XPO4: variants seen among roughly 807,000 people sequenced by gnomAD.
XPO4 encodes exportin-4.
In XPO4, 39 loss-of-function variants were observed where a neutral mutation model predicts 143.0. The observed-to-expected ratio is 0.27, with a 90% CI of 0.21 to 0.36. The LOEUF (loss-of-function observed/expected upper bound fraction) is 0.36. XPO4 is among the 10% of genes least tolerant of loss of function. The pLI, the probability that XPO4 is intolerant of heterozygous loss-of-function variation, is 1.00. For synonymous variants in XPO4, 439 were observed against 474.0 expected (o/e 0.93, Z 0.96); for missense variants, 907 against 1,348.0 (o/e 0.67, Z 5.12).
chr13:20,783,175 T>G lies in XPO4; in HGVS notation c.*547A>C, dbSNP rs1174157738. ...AATGTCTCTTTCATTGATTCAAAAC[T>G]TTTGGGGTGACGAAAGGGAGAAGCT... On this transcript the variant is annotated 3_prime_UTR_variant, in exon 23 of 23. Transcript: ENST00000255305. The G allele has an allele frequency of 6.5e-6, 1 of 152,842 alleles. No individual in the cohort carries two copies. The highest frequency in any genetic ancestry group is 2.4e-5 in the African/African-American group (1 of 41,428). 9.5% of individuals were successfully genotyped at this position (152,842 alleles called of 1,614,324 possible).
intron 4 of XPO4, chr13:20,852,958 G>C (rs972235559): frequency 1.0e-6 from 1 of 985,234 alleles, no homozygotes; most frequent in Non-Finnish European, 1.2e-6. Context: ...GCGGTCAATT[G>C]ATTTATCTAA....
At chr13:20,870,296 T>C (rs955531680) in intron 1 of XPO4, among the ~76,000 whole-genome samples, 18 of 149,756 alleles carry the variant, frequency 1.2e-4, no homozygotes, top group African/African-American at 4.4e-4. Context: ...CCAGGCATGG[T>C]GGTGCACACC....
chr13:20,894,888 A>G (rs1057230889), intron 1 of XPO4, among the ~76,000 whole-genome samples: 13 of 150,762 alleles, frequency 8.6e-5, no homozygotes, highest in Non-Finnish European at 8.9e-5. Flanking sequence ...AAACACATGC[A>G]ACATTCAGGC....
At chr13:20,808,988 G>A (rs375601086) in intron 11 of XPO4, 95 bp downstream of exon 11, 2 of 1,343,690 alleles carry the variant, frequency 1.5e-6, no homozygotes, top group Non-Finnish European at 2.1e-6. Context: ...GACACGGGGT[G>A]GGGGTGTTTA....
intron 3 of XPO4, chr13:20,856,806 C>A (rs2060148562): frequency 1.0e-6 from 1 of 979,486 alleles, no homozygotes; most frequent in South Asian, 4.7e-5. Context: ...CTTTTGACTT[C>A]CAGGCCTCTG....
At chr13:20,889,686 T>C (rs895441916) in intron 1 of XPO4, among the ~76,000 whole-genome samples, 1 of 152,212 alleles carries the variant, frequency 6.6e-6, no homozygotes, top group African/African-American at 2.4e-5. Context: ...TCATTGACAG[T>C]CATTACACGA....
chr13:20,791,875 C>T (rs766543535), intron 18 of XPO4, among the ~76,000 whole-genome samples: 18 of 152,166 alleles, frequency 1.2e-4, no homozygotes, highest in Non-Finnish European at 2.4e-4. Flanking sequence ...TAACGCTGAA[C>T]TTCTCCCCTG....
At chr13:20,884,356 A>C (rs1422025660) in intron 1 of XPO4, among the ~76,000 whole-genome samples, 1 of 152,162 alleles carries the variant, frequency 6.6e-6, no homozygotes, top group Non-Finnish European at 1.5e-5. Context: ...CAGCCTGGGC[A>C]AGAGGGTGAG....
At chr13:20,786,895 C>A in intron 22 of XPO4, 70 bp downstream of exon 22, 2 of 1,294,030 alleles carry the variant, frequency 1.5e-6, no homozygotes, top group Non-Finnish European at 2.1e-6. Context: ...TAATGACCCA[C>A]CATCTATCTC....
intron 3 of XPO4, among the ~76,000 whole-genome samples, chr13:20,858,162 T>TA (rs574872285): frequency 9.9e-5 from 15 of 150,770 alleles, no homozygotes; most frequent in Admixed American, 2.0e-4. Context: ...TCACCTAGAT[T>TA]AAAAAAAAAC....
Position 20,842,933 on chromosome 13 carries a change from G to A in XPO4, c.689C>T (p.Ala230Val), listed in dbSNP as rs1171765625. ...AAAGTTCCAGCTCAAGACTTGATTG[G>A]CGAGTGCAAGGTAACGCTGAAATAC... is the stretch of plus-strand genomic sequence containing the variant. ...SSVFQRYLALANQVLSWNFLP... is the reference protein window; with the variant it reads ...SSVFQRYLALVNQVLSWNFLP... Residue 230 changes from alanine (A) to valine (V), a missense_variant, in exon 6 of 23, where the codon GCC becomes GTC. Physicochemically the swap from Ala to Val is moderately conservative, Grantham distance 64. Transcript: ENST00000255305. The A allele has an allele frequency of 1.6e-5, 25 of 1,612,162 alleles. No homozygotes were observed. The highest frequency in any genetic ancestry group is 2.2e-5 in the East Asian group (1 of 44,856).
intron 9 of XPO4, among the ~76,000 whole-genome samples, chr13:20,820,034 C>T (rs1022462202): frequency 2.0e-5 from 3 of 152,154 alleles, no homozygotes; most frequent in African/African-American, 7.2e-5. Flanking sequence ...CTGTCCTTTT[C>T]AATAGGTGAC....
rs1361018767 is a variant in XPO4, at chr13:20,780,287, A to G, written c.*3435T>C. ...CAACAGAGGTGGCAAACAGATAAAA[A>G]TTGTTTAACAGAGAAAAATATTATT... On this transcript the variant is annotated 3_prime_UTR_variant, in exon 23 of 23. Coordinates refer to ENST00000255305, the MANE Select transcript of XPO4 (RefSeq NM_022459.5). The G allele has an allele frequency of 6.6e-6, 1 of 152,228 alleles. No homozygotes were observed. The highest frequency in any genetic ancestry group is 1.9e-4 in the East Asian group (1 of 5,208). The allele number at this position is 152,228 out of a possible 1,614,324, so 9.4% of individuals were successfully genotyped here.
intron 6 of XPO4, among the ~76,000 whole-genome samples, chr13:20,827,691 GA>G (rs1212957143): frequency 2.6e-5 from 4 of 151,436 alleles, no homozygotes; most frequent in Non-Finnish European, 4.4e-5. Flanking sequence ...TAATATTAAA[GA>G]AAAAAAACTC....
chr13:20,811,657 A>G (rs1271742552), intron 9 of XPO4, among the ~76,000 whole-genome samples: 2 of 152,106 alleles, frequency 1.3e-5, no homozygotes, highest in Non-Finnish European at 2.9e-5. Flanking sequence ...GGACCAGGGG[A>G]GAGATGATGC....
intron 3 of XPO4, among the ~76,000 whole-genome samples, chr13:20,861,777 C>CTTTTT (rs71200306): frequency 1.9e-4 from 14 of 73,396 alleles, no homozygotes; most frequent in Admixed American, 2.1e-4. Flanking sequence ...ACATTTCTCT[C>CTTTTT]TTTTTTTTTT....
chr13:20,865,337 A>T (rs1219038748), intron 2 of XPO4: 1 of 320,438 alleles, frequency 3.1e-6, no homozygotes, highest in Non-Finnish European at 4.5e-6. Context: ...GGGTTTTTCC[A>T]TGTTGGTCAG....
chr13:20,889,543 A>G (rs897634628), intron 1 of XPO4, among the ~76,000 whole-genome samples: 3 of 152,224 alleles, frequency 2.0e-5, no homozygotes, highest in Admixed American at 2.0e-4. Flanking sequence ...TGCACGAACC[A>G]GCCCTCAGCA....
intron 1 of XPO4, among the ~76,000 whole-genome samples, chr13:20,880,790 C>G (rs2060401259): frequency 6.6e-6 from 1 of 152,020 alleles, no homozygotes; most frequent in South Asian, 2.1e-4. Context: ...AACCCCATCT[C>G]TACGAACACA....
Sources: allele counts gnomAD v4.1 joint callset (sites outside exome capture counted in the v4.1 genomes callset), GRCh38; gene constraint gnomAD v4.1.1; transcripts MANE v1.5; gene names NCBI Gene and HGNC (gene_info 2026-07-23, HGNC 2026-07-21).